Variants in DNAH8 observed in about 807,000 individuals in gnomAD.
The protein encoded by DNAH8 is axonemal beta dynein heavy chain 8.
DNAH8 carries 382 observed loss-of-function variants against 562.1 expected under a neutral mutation model. That is an observed-to-expected ratio of 0.68 (90% CI 0.63 to 0.74). DNAH8 has a LOEUF of 0.74. Ranked by LOEUF, DNAH8 falls within the 30% of genes least tolerant of loss-of-function variation. The pLI is 0.00. For missense variants in DNAH8, 5,203 were observed against 5,620.4 expected, an observed-to-expected ratio of 0.93 and a Z score of 2.37; for synonymous variants, 1,881 against 1,919.4, an observed-to-expected ratio of 0.98 and a Z score of 0.52.
chr6:38,862,304 C>G lies in DNAH8; in HGVS notation c.6156C>G (p.Ala2052=), dbSNP rs775922041. The G allele has an allele frequency of 2.6e-5, 42 of 1,613,728 alleles. No individual in the cohort carries two copies. The highest frequency in any genetic ancestry group is 1.8e-5 in the Non-Finnish European group (21 of 1,179,902). The stretch of plus-strand genomic sequence containing the variant: ...GATGCTATATCACGTTAGCTCAGGC[C>G]TTGGGCATGAACATGGGAGGTGCTC... ...TDRCYITLAQ[A]LGMNMGGAPA... Residue 2052 remains alanine (A), a synonymous_variant, in exon 44 of 93, where the codon GCC becomes GCG. Transcript: ENST00000327475.
At chr6:38,956,189 GAGT>G (rs1762232298) in intron 82 of DNAH8, among the ~76,000 whole-genome samples, 1 of 152,214 alleles carries the variant, frequency 6.6e-6, no homozygotes, top group East Asian at 1.9e-4. Flanking sequence ...AGCAGACTGG[GAGT>G]CTGAGCCTCC....
At chr6:38,751,852 T>C (rs140980538) in intron 9 of DNAH8, among the ~76,000 whole-genome samples, 5 of 152,328 alleles carry the variant, frequency 3.3e-5, no homozygotes, top group Non-Finnish European at 5.9e-5. Context: ...ATTACTTCTT[T>C]TGTAAATCAT....
intron 60 of DNAH8, 117 bp downstream of exon 60, chr6:38,896,342 G>A: frequency 1.3e-6 from 1 of 797,792 alleles, no homozygotes; most frequent in Non-Finnish European, 2.0e-6. Context: ...GGGAGGCTGA[G>A]GTGGGAGGAT....
At chr6:38,783,248 T>TA (rs1768822773) in intron 17 of DNAH8, 109 bp downstream of exon 17, 1 of 921,600 alleles carries the variant, frequency 1.1e-6, no homozygotes, top group Middle Eastern at 2.7e-4. Context: ...TTAGGATAGT[T>TA]ACAATTTAGA....
At chr6:38,917,179 T>G in intron 68 of DNAH8, 60 bp from the exon 69 acceptor site, 1 of 1,178,918 alleles carries the variant, frequency 8.5e-7, no homozygotes, top group Non-Finnish European at 1.2e-6. Context: ...GTATTAGATT[T>G]CCATATAACT....
Position 38,870,554 on chromosome 6 carries a change from C to T in DNAH8, c.6982C>T (p.Leu2328Phe). ...TAACCATCCACCCTGGAACCTGAAA[C>T]TCGTGCAGGTAAAGACATTTTAATC... Reference protein sequence around the residue: ...LINHPPWNLKLVQLYETSLVR... With the variant: ...LINHPPWNLKFVQLYETSLVR... Residue 2328 changes from leucine to phenylalanine, a missense_variant, in exon 49 of 93, where the codon CTC (leucine) becomes TTC (phenylalanine). Physicochemically the swap from Leu to Phe is conservative, Grantham distance 22. Coordinates refer to ENST00000327475, the MANE Select transcript of DNAH8 (RefSeq NM_001206927.2). 6.2e-7 allele frequency: 1 copy of T among 1,613,662 alleles called. No homozygotes were observed. Among genetic ancestry groups the T allele is most frequent in the South Asian group, 1.1e-5 (1 of 91,048 alleles).
chr6:38,957,866 C>CAAA (rs1209427701), intron 82 of DNAH8, among the ~76,000 whole-genome samples: 167 of 75,704 alleles, frequency 2.2e-3, no homozygotes, highest in African/African-American at 3.9e-3. Flanking sequence ...ATGCCTACAC[C>CAAA]AAAAAAAAAA....
At chr6:38,912,358 G>A (rs1206313304) in intron 66 of DNAH8, among the ~76,000 whole-genome samples, 2 of 152,142 alleles carry the variant, frequency 1.3e-5, no homozygotes, top group Non-Finnish European at 2.9e-5. Context: ...CAAGCTACTT[G>A]GGAGGCTGAG....
intron 79 of DNAH8, among the ~76,000 whole-genome samples, chr6:38,943,280 TA>T (rs1274214801): frequency 6.6e-6 from 1 of 152,248 alleles, no homozygotes; most frequent in East Asian, 1.9e-4. Context: ...ACATTTGTTT[TA>T]GTTTTGAACT....
chr6:38,841,717 C>T (rs1031354061), intron 33 of DNAH8, among the ~76,000 whole-genome samples: 1 of 151,660 alleles, frequency 6.6e-6, no homozygotes, highest in Non-Finnish European at 1.5e-5. Flanking sequence ...CATCTGGGCA[C>T]ATGTGGGATT....
rs1435926892 is a variant in DNAH8 at position 39,030,319 on chromosome 6, T to C, written c.14051T>C (p.Val4684Ala). 6.2e-7 allele frequency: 1 copy of C among 1,613,956 alleles called. No homozygotes were observed. The highest frequency in any genetic ancestry group is 8.5e-7 in the Non-Finnish European group (1 of 1,179,840). ...RRTDLTFITV[V>A]YLRTVLSPDH... ...ACTGATTTGACCTTCATCACTGTGG[T>C]ATATTTACGAACAGTGTTGTCCCCG... Residue 4684 changes from valine to alanine, a missense_variant, in exon 93 of 93, where the codon GTA becomes GCA. Physicochemically the swap from Val to Ala is moderately conservative, Grantham distance 64. This residue lies in a region of DNAH8 where 1,399 missense variants were observed against 1,518.4 expected (regional missense o/e 0.92). Transcript: ENST00000327475.
At chr6:38,847,726 A>C (rs1775408639) in intron 36 of DNAH8, among the ~76,000 whole-genome samples, 1 of 152,202 alleles carries the variant, frequency 6.6e-6, no homozygotes, top group Non-Finnish European at 1.5e-5. Flanking sequence ...ATGTCACTGC[A>C]CCACATTGAA....
At chr6:39,017,127 G>C (rs1030055647) in intron 91 of DNAH8, among the ~76,000 whole-genome samples, 6 of 152,110 alleles carry the variant, frequency 3.9e-5, no homozygotes, top group Non-Finnish European at 5.9e-5. Context: ...GTGTGGATTT[G>C]TCTCCCAGCA....
At position 38,786,896 on chromosome 6, in the gene DNAH8, G is replaced by A. The variant is rs1490165855; in HGVS notation, c.2527G>A (p.Ala843Thr). The stretch of plus-strand genomic sequence containing the variant: ...AATGAAGTTGGATGTACCAGAACAG[G>A]CAAAGAGATTGCTAAAATTGGAAAG... ...IKMKLDVPEQ[A>T]KRLLKLESKL... Residue 843 changes from alanine (A) to threonine (T), a missense_variant, in exon 18 of 93, where the codon GCA becomes ACA. Coordinates refer to ENST00000327475, the MANE Select transcript of DNAH8 (RefSeq NM_001206927.2). 1 of 1,611,748 alleles carries A rather than the reference G, an allele frequency of 6.2e-7. No homozygotes were observed. The highest frequency in any genetic ancestry group is 2.2e-5 in the East Asian group (1 of 44,790).
At chr6:39,004,069 T>C (rs937788217) in intron 88 of DNAH8, among the ~76,000 whole-genome samples, 9 of 152,146 alleles carry the variant, frequency 5.9e-5, no homozygotes, top group Admixed American at 5.9e-4. Flanking sequence ...TCAGTTCTTA[T>C]TTTGGTCTAA....
chr6:38,767,454 T>A (rs376800614), intron 11 of DNAH8, among the ~76,000 whole-genome samples: 2 of 134,346 alleles, frequency 1.5e-5, no homozygotes, highest in Non-Finnish European at 1.6e-5. Context: ...AAAAAAAAAA[T>A]TCCCCAAACT....
chr6:38,845,861 T>C, intron 36 of DNAH8, 88 bp downstream of exon 36: 1 of 1,103,300 alleles, frequency 9.1e-7, no homozygotes, highest in Non-Finnish European at 1.3e-6. Context: ...AGCTCTTTCA[T>C]TGGATGGATT....
chr6:38,894,376 T>C (rs1561829348), intron 58 of DNAH8, among the ~76,000 whole-genome samples: 1 of 152,216 alleles, frequency 6.6e-6, no homozygotes, highest in African/African-American at 2.4e-5. Flanking sequence ...GGATGATTAT[T>C]CCCACAGTTC....
intron 12 of DNAH8, among the ~76,000 whole-genome samples, chr6:38,775,398 G>A (rs1372666143): frequency 6.6e-6 from 1 of 152,188 alleles, no homozygotes; most frequent in African/African-American, 2.4e-5. Flanking sequence ...GCATGGTGGA[G>A]CTTTTGAGTC....
Sources: gnomAD v4.1 joint callset for allele counts (sites outside exome capture counted in the v4.1 genomes callset) on GRCh38, gnomAD v4.1.1 for gene constraint, gnomAD v4.1.1 regional missense constraint, MANE v1.5 for transcripts, NCBI Gene and HGNC (gene_info 2026-07-23, HGNC 2026-07-21) for gene names.